The following TULP4 variants were observed in gnomAD, a reference collection of about 807,000 sequenced individuals.
TULP4 encodes tubby-related protein 4.
A neutral mutation model predicts 129.0 loss-of-function variants in TULP4; 16 were observed. That is an observed-to-expected ratio of 0.12 (90% CI 0.08 to 0.19). TULP4 has a LOEUF of 0.19. TULP4 is among the 10% of genes least tolerant of loss of function. The probability of loss-of-function intolerance (pLI) is 1.00; values close to 1 mark genes in which losing one functional copy is unlikely to be tolerated. For synonymous variants in TULP4, 998 were observed against 854.0 expected, an observed-to-expected ratio of 1.17 and a Z score of -2.94; for missense variants, 1,842 against 2,059.1, an observed-to-expected ratio of 0.89 and a Z score of 2.04.
chr6:158,382,992 A>G (rs147329162), intron 1 of TULP4, among the ~76,000 whole-genome samples: 1,964 of 152,292 alleles, frequency 0.013, 37 homozygotes, highest in Non-Finnish European at 0.011. Context: ...CCAAAAATGG[A>G]ATGAGAACTC....
intron 1 of TULP4, among the ~76,000 whole-genome samples, chr6:158,284,031 C>T (rs1294558680): frequency 6.6e-6 from 1 of 152,114 alleles, no homozygotes; most frequent in Non-Finnish European, 1.5e-5. Context: ...ACTCTAAGCC[C>T]TTAGAAATAC....
At chr6:158,359,346 C>A (rs1780714895) in intron 1 of TULP4, among the ~76,000 whole-genome samples, 1 of 152,048 alleles carries the variant, frequency 6.6e-6, no homozygotes, top group African/African-American at 2.4e-5. Flanking sequence ...TCTAGAGGGA[C>A]AGAATTAATA....
intron 2 of TULP4, among the ~76,000 whole-genome samples, chr6:158,425,857 G>A (rs537200944): frequency 6.6e-6 from 1 of 152,158 alleles, no homozygotes; most frequent in South Asian, 2.1e-4. Flanking sequence ...GCCTCCCAAA[G>A]TGTTGGGATT....
intron 1 of TULP4, among the ~76,000 whole-genome samples, chr6:158,397,730 G>A (rs1037350279): frequency 2.0e-5 from 3 of 152,276 alleles, no homozygotes; most frequent in Non-Finnish European, 2.9e-5. Flanking sequence ...AGCCTCAGCC[G>A]GCCCACGTGG....
At chr6:158,492,265 G>A (rs756745649) in intron 9 of TULP4, among the ~76,000 whole-genome samples, 3 of 152,116 alleles carry the variant, frequency 2.0e-5, no homozygotes, top group Admixed American at 6.5e-5. Flanking sequence ...TGTCCTGTTC[G>A]GGATGTCTTT....
At chr6:158,400,904 T>C (rs1777828030) in intron 1 of TULP4, among the ~76,000 whole-genome samples, 1 of 152,112 alleles carries the variant, frequency 6.6e-6, no homozygotes, top group Non-Finnish European at 1.5e-5. Flanking sequence ...GAAAGAATGA[T>C]ATTTCAGTTC....
chr6:158,447,418 C>T (rs1436291186), intron 3 of TULP4, among the ~76,000 whole-genome samples: 1 of 152,034 alleles, frequency 6.6e-6, no homozygotes, highest in African/African-American at 2.4e-5. Context: ...ATTGTTTTAG[C>T]CTTTTTTAGT....
At chr6:158,380,847 C>A (rs1777304736) in intron 1 of TULP4, among the ~76,000 whole-genome samples, 1 of 139,348 alleles carries the variant, frequency 7.2e-6, no homozygotes, top group South Asian at 2.3e-4. Context: ...TGAGCCGAGA[C>A]CACGCCACTG....
chr6:158,407,544 A>G (rs539646901), intron 1 of TULP4, among the ~76,000 whole-genome samples: 7 of 151,752 alleles, frequency 4.6e-5, no homozygotes, highest in Middle Eastern at 3.4e-3. Context: ...TGTTTATACA[A>G]AAAAAAAACT....
At chr6:158,301,575 G>A (rs1228881109) in intron 1 of TULP4, among the ~76,000 whole-genome samples, 3 of 152,180 alleles carry the variant, frequency 2.0e-5, no homozygotes, top group South Asian at 2.1e-4. Flanking sequence ...TCCAATTAGG[G>A]TGGCCATTTG....
chr6:158,274,925 T>C (rs567892792), intron 1 of TULP4, among the ~76,000 whole-genome samples: 12 of 152,378 alleles, frequency 7.9e-5, no homozygotes, highest in African/African-American at 2.6e-4. Flanking sequence ...TGCCAGTCTT[T>C]CCTGCCTCTT....
Position 158,503,705 on chromosome 6 carries a change from G to C in TULP4, c.4042G>C (p.Gly1348Arg), listed in dbSNP as rs773342888. 1 of 1,614,052 alleles carries C rather than the reference G, an allele frequency of 6.2e-7. No homozygotes were observed. The highest frequency in any genetic ancestry group is 1.1e-5 in the South Asian group (1 of 91,084). ...RKRLDSRAEE[G>R]SVQAITEGKV... The stretch of plus-strand genomic sequence containing the variant: ...GCGCCTGGACAGCCGAGCAGAAGAA[G>C]GCAGCGTTCAGGCCATCACTGAGGG... Residue 1348 changes from glycine to arginine, a missense_variant, in exon 13 of 14, where the codon GGC (glycine) becomes CGC (arginine). Physicochemically the swap from Gly to Arg is moderately radical, Grantham distance 125. This residue lies in a region of TULP4 where 1,089 missense variants were observed against 987.1 expected (regional missense o/e 1.10). Coordinates refer to ENST00000367097, the MANE Select transcript of TULP4 (RefSeq NM_020245.5). This position sits in a 1 kb window ranked among gnomAD's most constrained non-coding sequence, Gnocchi z 4.3.
chr6:158,459,224 A>C (rs1407817572), intron 5 of TULP4, among the ~76,000 whole-genome samples: 1 of 152,160 alleles, frequency 6.6e-6, no homozygotes, highest in Non-Finnish European at 1.5e-5. Flanking sequence ...TGAGGTCGGG[A>C]AGTTGAGACC....
intron 1 of TULP4, among the ~76,000 whole-genome samples, chr6:158,266,825 C>T (rs1233430016): frequency 6.6e-6 from 1 of 152,050 alleles, no homozygotes. Flanking sequence ...AGAACCAACC[C>T]CCATCGATAT....
intron 1 of TULP4, among the ~76,000 whole-genome samples, chr6:158,321,297 C>T (rs1382214610): frequency 1.3e-5 from 2 of 152,136 alleles, no homozygotes; most frequent in Non-Finnish European, 2.9e-5. Flanking sequence ...TTTGCTGGCT[C>T]TGCCTTTTTT....
intron 2 of TULP4, among the ~76,000 whole-genome samples, chr6:158,415,197 G>A (rs1471036183): frequency 1.3e-5 from 2 of 152,174 alleles, no homozygotes; most frequent in Non-Finnish European, 2.9e-5. Context: ...ACTCGTGTTT[G>A]TGGTGTTACT....
chr6:158,261,272 T>G, intron 1 of TULP4, among the ~76,000 whole-genome samples: 1 of 152,352 alleles, frequency 6.6e-6, no homozygotes, highest in East Asian at 1.9e-4. Context: ...TAATTTATAT[T>G]TTTGTTTAAT....
At chr6:158,236,797 T>TTTC (rs1342993114) in intron 1 of TULP4, among the ~76,000 whole-genome samples, 1,060 of 16,028 alleles carry the variant, frequency 0.066, 133 homozygotes, top group Non-Finnish European at 0.088. Context: ...ATTCTTTTCT[T>TTTC]TTTTTTTTTT....
chr6:158,298,912 T>C (rs541324748), intron 1 of TULP4, among the ~76,000 whole-genome samples: 94 of 152,290 alleles, frequency 6.2e-4, no homozygotes, highest in Non-Finnish European at 1.1e-3. Context: ...ATTATCATAA[T>C]GCCAATTGGA....
Sources: gnomAD v4.1 joint callset for allele counts (sites outside exome capture counted in the v4.1 genomes callset) on GRCh38, gnomAD v4.1.1 for gene constraint, gnomAD v4.1.1 regional missense constraint, Gnocchi (gnomAD v3.1) non-coding constraint, MANE v1.5 for transcripts, NCBI Gene and HGNC (gene_info 2026-07-23, HGNC 2026-07-21) for gene names.